The following UNC5C variants were observed in gnomAD, a reference collection of about 807,000 sequenced individuals.
UNC5C encodes unc-5 netrin receptor C.
In UNC5C, 47 loss-of-function variants were observed where a neutral mutation model predicts 99.8. The observed-to-expected ratio is 0.47, with a 90% CI of 0.37 to 0.60. UNC5C has a LOEUF of 0.60. Among genes scored for constraint, UNC5C ranks in the 20% least tolerant of loss-of-function variants. The pLI is 0.00. For missense variants in UNC5C, 1,062 were observed against 1,165.9 expected, an observed-to-expected ratio of 0.91 and a Z score of 1.30; for synonymous variants, 487 against 452.2, an observed-to-expected ratio of 1.08 and a Z score of -0.98.
At chr4:95,371,120 G>A (rs1264337130) in intron 1 of UNC5C, among the ~76,000 whole-genome samples, 1 of 152,088 alleles carries the variant, frequency 6.6e-6, no homozygotes, top group Non-Finnish European at 1.5e-5. Context: ...TTTAAACATT[G>A]TTTAGTCCAA....
intron 4 of UNC5C, among the ~76,000 whole-genome samples, chr4:95,271,421 G>C (rs973334154): frequency 1.3e-5 from 2 of 151,984 alleles, no homozygotes; most frequent in Non-Finnish European, 2.9e-5. Flanking sequence ...AGTAGAGACG[G>C]GGTTTCACTG....
At chr4:95,518,869 G>C (rs80214636) in intron 1 of UNC5C, among the ~76,000 whole-genome samples, 1 of 152,088 alleles carries the variant, frequency 6.6e-6, no homozygotes, top group Non-Finnish European at 1.5e-5. Context: ...TGAGAAATAC[G>C]TTGACTTGGA....
At chr4:95,319,580 A>G (rs1014463620) in intron 2 of UNC5C, among the ~76,000 whole-genome samples, 1 of 152,164 alleles carries the variant, frequency 6.6e-6, no homozygotes, top group African/African-American at 2.4e-5. Context: ...GGTACTATTT[A>G]GAGGATCTGG....
chr4:95,409,963 G>A (rs1307965881), intron 1 of UNC5C, among the ~76,000 whole-genome samples: 1 of 152,046 alleles, frequency 6.6e-6, no homozygotes, highest in South Asian at 2.1e-4. Flanking sequence ...TTAAACCAAT[G>A]TTTCCACACC....
In UNC5C at chr4:95,267,952, T is replaced by A. The variant is rs1740509872; in HGVS notation, c.594+10307A>T. 6.4e-5 allele frequency among the ~76,000 whole-genome samples: 9 copies of A among 141,694 alleles called. No individual in the cohort carries two copies. The South Asian group carries it at 2.1e-3, about 32-fold the overall frequency. The allele number at this position is 141,694 out of a possible 152,430, so 93.0% of individuals were successfully genotyped here. ...ATCCTGTAGGCTGAATTTTGTGATT[T>A]TTTTTTTTTTTTTTTGAGACGGAGT... On this transcript the variant is annotated intron_variant, in intron 4 of 15. Transcript: ENST00000453304.
chr4:95,192,208 C>T (rs1737152131), intron 12 of UNC5C, among the ~76,000 whole-genome samples: 2 of 143,218 alleles, frequency 1.4e-5, no homozygotes, highest in Admixed American at 6.9e-5. Flanking sequence ...CCTCTACTCA[C>T]CTCTTTTGCT....
At chr4:95,250,774 G>A (rs940458809) in intron 4 of UNC5C, 107 bp from the exon 5 acceptor site, 8 of 1,109,954 alleles carry the variant, frequency 7.2e-6, no homozygotes, top group Non-Finnish European at 1.0e-5. Flanking sequence ...AGGCCGAGAA[G>A]CGATACCTGT....
At chr4:95,441,869 C>T (rs1173090453) in intron 1 of UNC5C, among the ~76,000 whole-genome samples, 2 of 152,128 alleles carry the variant, frequency 1.3e-5, no homozygotes, top group Non-Finnish European at 2.9e-5. Flanking sequence ...CTCTTGAGCA[C>T]TGTTCAGAAT....
At chr4:95,328,040 CTTTTTTTTTTTTTTTTTTTTAAT>C (rs1742960453) in intron 2 of UNC5C, among the ~76,000 whole-genome samples, 1 of 87,098 alleles carries the variant, frequency 1.1e-5, no homozygotes, top group African/African-American at 4.0e-5. Context: ...CAGGCAACTT[CTTTTTTTTTTTTTTTTTTTTAAT>C]TTTTTTTTTT....
At chr4:95,224,275 C>A (rs1213180444) in intron 7 of UNC5C, among the ~76,000 whole-genome samples, 1 of 152,220 alleles carries the variant, frequency 6.6e-6, no homozygotes, top group East Asian at 1.9e-4. Flanking sequence ...AGAGCGAGAT[C>A]TGTCTCAAAA....
chr4:95,200,170 C>G (rs925109384), intron 12 of UNC5C, among the ~76,000 whole-genome samples: 1 of 152,216 alleles, frequency 6.6e-6, no homozygotes, highest in African/African-American at 2.4e-5. Flanking sequence ...TCCTGGAACG[C>G]TCAGTGTTCA....
intron 3 of UNC5C, among the ~76,000 whole-genome samples, chr4:95,298,307 A>G (rs1010881619): frequency 8.5e-5 from 13 of 152,234 alleles, no homozygotes; most frequent in African/African-American, 3.1e-4. Context: ...TGAGACCCCC[A>G]TCTCAAAAAT....
intron 7 of UNC5C, among the ~76,000 whole-genome samples, chr4:95,235,631 T>C (rs934499827): frequency 6.6e-6 from 1 of 152,240 alleles, no homozygotes; most frequent in South Asian, 2.1e-4. Flanking sequence ...AACATTGCAG[T>C]CTTTAATCCA....
chr4:95,509,345 T>C (rs1279310559), intron 1 of UNC5C, among the ~76,000 whole-genome samples: 1 of 151,830 alleles, frequency 6.6e-6, no homozygotes, highest in Non-Finnish European at 1.5e-5. Flanking sequence ...AGAATCTTAG[T>C]CTATAATTCT....
At chr4:95,200,718 T>C (rs974748957) in intron 12 of UNC5C, among the ~76,000 whole-genome samples, 6 of 152,214 alleles carry the variant, frequency 3.9e-5, no homozygotes, top group African/African-American at 7.2e-5. Flanking sequence ...CATAACGTAG[T>C]TGGTTTCTGA....
rs1735868888 is a variant in UNC5C, at chr4:95,166,697, T to G, written c.*2537A>C. 6.6e-6 allele frequency: 1 copy of G among 152,180 alleles called. No individual in the cohort carries two copies. The highest frequency in any genetic ancestry group is 1.5e-5 in the Non-Finnish European group (1 of 68,036). 9.4% of individuals were successfully genotyped at this position (152,180 alleles called of 1,614,324 possible). A position where few individuals can be genotyped will look rare whatever the true frequency, so the allele number is the denominator to read the frequency against. On this transcript the variant is annotated 3_prime_UTR_variant, in exon 16 of 16. Coordinates refer to ENST00000453304, the MANE Select transcript of UNC5C (RefSeq NM_003728.4). Reference sequence around the variant, plus strand: ...TTCAGTTCAGATTCTAGTTCTTGATTTCCATAGATGATTCCACAACCCTGG... The same window carrying G: ...TTCAGTTCAGATTCTAGTTCTTGATGTCCATAGATGATTCCACAACCCTGG...
At chr4:95,396,539 A>T (rs1560818263) in intron 1 of UNC5C, among the ~76,000 whole-genome samples, 1 of 152,168 alleles carries the variant, frequency 6.6e-6, no homozygotes, top group Non-Finnish European at 1.5e-5. Context: ...CCGACCTTCA[A>T]GCCAAAGGAC....
intron 1 of UNC5C, among the ~76,000 whole-genome samples, chr4:95,421,465 G>A (rs1434464522): frequency 6.7e-6 from 1 of 150,134 alleles, no homozygotes; most frequent in Non-Finnish European, 1.5e-5. Flanking sequence ...AATGCTTGTT[G>A]TTCTTTCAGG....
chr4:95,366,028 A>G (rs1433612464), intron 1 of UNC5C, among the ~76,000 whole-genome samples: 1 of 152,094 alleles, frequency 6.6e-6, no homozygotes, highest in Non-Finnish European at 1.5e-5. Flanking sequence ...TCAGTGGAAT[A>G]TCCTACAGCA....
Sources: allele counts gnomAD v4.1 joint callset (sites outside exome capture counted in the v4.1 genomes callset), GRCh38; gene constraint gnomAD v4.1.1; transcripts MANE v1.5; gene names NCBI Gene and HGNC (gene_info 2026-07-23, HGNC 2026-07-21).